COL26A1: variants seen among roughly 807,000 people sequenced by gnomAD.
COL26A1 encodes collagen type XXVI alpha 1 chain.
COL26A1 carries 41 observed loss-of-function variants against 59.3 expected under a neutral mutation model. The ratio of observed to expected loss-of-function variants is 0.69; its 90% CI spans 0.54 to 0.90. The LOEUF is 0.90. Ranked by LOEUF, COL26A1 falls within the 40% of genes least tolerant of loss-of-function variation. The pLI is 0.00. For missense variants in COL26A1, 612 were observed against 602.3 expected (o/e 1.02, Z -0.17); for synonymous variants, 266 against 256.0 (o/e 1.04, Z -0.37).
chr7:101,373,952 A>C (rs1188619866), intron 1 of COL26A1, among the ~76,000 whole-genome samples: 4 of 152,178 alleles, frequency 2.6e-5, no homozygotes, highest in Non-Finnish European at 5.9e-5. Context: ...CTCGTGTGAC[A>C]CTTCATTGCC....
At chr7:101,495,250 G>A (rs1472892645) in intron 3 of COL26A1, among the ~76,000 whole-genome samples, 1 of 152,156 alleles carries the variant, frequency 6.6e-6, no homozygotes, top group African/African-American at 2.4e-5. Context: ...GGCAGAACAG[G>A]TGCTGGAGAC....
intron 3 of COL26A1, among the ~76,000 whole-genome samples, chr7:101,503,772 T>C (rs1369620541): frequency 2.6e-5 from 4 of 152,220 alleles, no homozygotes; most frequent in Non-Finnish European, 5.9e-5. Context: ...CTGGAACTTT[T>C]GTTTCAGTCC....
chr7:101,554,687 T>C (rs1274526843), intron 11 of COL26A1, among the ~76,000 whole-genome samples: 1 of 151,566 alleles, frequency 6.6e-6, no homozygotes. Flanking sequence ...GAGGCTGCAG[T>C]GAACTACAAT....
At position 101,362,897 on chromosome 7, in the gene COL26A1, G is replaced by T. The variant is rs1050465102; in HGVS notation, c.-136G>T. 4.6e-6 allele frequency: 4 copies of T among 870,776 alleles called. No individual in the cohort carries two copies. Among genetic ancestry groups the T allele is most frequent in the Non-Finnish European group, 6.6e-6 (4 of 606,984 alleles). The allele number at this position is 870,776 out of a possible 1,614,324, so 53.9% of individuals were successfully genotyped here. On this transcript the variant is annotated 5_prime_UTR_variant, in exon 1 of 13. Transcript: ENST00000313669. ...GGCGCCCCCCACACATTTCCAGCTCGCACCCGGGCTCCGACCGCTCGCCCC... is the reference window on the plus strand; with the variant it reads ...GGCGCCCCCCACACATTTCCAGCTCTCACCCGGGCTCCGACCGCTCGCCCC...
intron 1 of COL26A1, among the ~76,000 whole-genome samples, chr7:101,369,678 A>G (rs547690236): frequency 3.3e-5 from 5 of 151,584 alleles, no homozygotes; most frequent in Non-Finnish European, 7.4e-5. Context: ...TGTTCTGTAC[A>G]GTGTGAGTGA....
chr7:101,509,481 G>A (rs186514931), intron 3 of COL26A1, among the ~76,000 whole-genome samples: 3 of 152,062 alleles, frequency 2.0e-5, no homozygotes, highest in Non-Finnish European at 4.4e-5. Context: ...ACAGAAAACA[G>A]CCTCTGATTC....
At chr7:101,441,482 T>G (rs7803024) in intron 2 of COL26A1, among the ~76,000 whole-genome samples, 48,343 of 151,904 alleles carry the variant, frequency 0.32, 8,240 homozygotes, top group African/African-American at 0.44. Context: ...CGGCTATTTT[T>G]TGTGTGTGTG....
chr7:101,482,255 G>A (rs1053527549), intron 3 of COL26A1, among the ~76,000 whole-genome samples: 1 of 152,156 alleles, frequency 6.6e-6, no homozygotes, highest in African/African-American at 2.4e-5. Context: ...GGATCCACCT[G>A]CCTTGTCCTC....
At chr7:101,379,679 C>G (rs1791400462) in intron 1 of COL26A1, among the ~76,000 whole-genome samples, 1 of 152,156 alleles carries the variant, frequency 6.6e-6, no homozygotes, top group Non-Finnish European at 1.5e-5. Context: ...AGGAGGTCAG[C>G]ACAAGATCAT....
intron 3 of COL26A1, among the ~76,000 whole-genome samples, chr7:101,479,885 T>C (rs1038419222): frequency 6.6e-6 from 1 of 152,238 alleles, no homozygotes; most frequent in Non-Finnish European, 1.5e-5. Context: ...CAAATATTTA[T>C]ATTTTTCCTG....
intron 3 of COL26A1, among the ~76,000 whole-genome samples, chr7:101,505,450 T>G (rs1563017073): frequency 6.6e-6 from 1 of 152,158 alleles, no homozygotes; most frequent in African/African-American, 2.4e-5. Flanking sequence ...GTGTATACTT[T>G]TTTTTTTGGA....
Position 101,557,574 on chromosome 7 carries a change from C to A in COL26A1, c.*44C>A, listed in dbSNP as rs1423914451. 4 of 1,550,704 alleles carry A rather than the reference C, an allele frequency of 2.6e-6. No individual in the cohort carries two copies. The highest frequency in any genetic ancestry group is 4.6e-5 in the East Asian group (2 of 43,830). On this transcript the variant is annotated 3_prime_UTR_variant, in exon 13 of 13. Transcript: ENST00000313669. ...CACCCTGTCCTGGCTAGAGACCCAGCCCCAGAGGCCTGAGCCGCCGCTGTT... is the reference window on the plus strand; with the variant it reads ...CACCCTGTCCTGGCTAGAGACCCAGACCCAGAGGCCTGAGCCGCCGCTGTT...
intron 2 of COL26A1, among the ~76,000 whole-genome samples, chr7:101,431,920 T>TA (rs928000805): frequency 2.4e-4 from 36 of 151,696 alleles, no homozygotes; most frequent in African/African-American, 8.5e-4. Context: ...GCCTCCCGAG[T>TA]AGCTGAGACT....
At position 101,451,519 on chromosome 7, in the gene COL26A1, T is replaced by C. The variant is rs529942981; in HGVS notation, c.385+3732T>C. Among the ~76,000 whole-genome samples the C allele has an allele frequency of 8.9e-4, 133 of 149,272 alleles. 1 individual carries two copies. The South Asian group carries it at 0.01, about 12-fold the overall frequency. On this transcript the variant is annotated intron_variant, in intron 3 of 12. Transcript: ENST00000313669. ...CAAAGGAAATGCCAAGTAGAACATT[T>C]TGGATTTCTGATTTTCTGATTTGGG...
rs560115213 is a variant in COL26A1, at chr7:101,403,196, G to A, written c.159-16781G>A. On this transcript the variant is annotated intron_variant, in intron 1 of 12. Transcript: ENST00000313669. ...AGTCCATAGAGAGATGGTTTCAGGG[G>A]ACAATAGACCTAAACAAAATTCTGT... 9.4e-4 allele frequency among the ~76,000 whole-genome samples: 143 copies of A among 152,218 alleles called. No individual in the cohort carries two copies. The Middle Eastern group carries it at 0.01, about 11-fold the overall frequency.
intron 1 of COL26A1, among the ~76,000 whole-genome samples, chr7:101,412,167 A>G (rs56034442): frequency 0.02 from 3,096 of 152,164 alleles, 119 homozygotes; most frequent in African/African-American, 0.07. Context: ...AGGACTAGCT[A>G]AACAAAACAG....
chr7:101,505,047 C>G lies in COL26A1; in HGVS notation c.386-28035C>G, dbSNP rs949722582. 2.6e-4 allele frequency among the ~76,000 whole-genome samples: 39 copies of G among 152,078 alleles called. 1 individual carries two copies. The highest frequency in any genetic ancestry group is 8.7e-4 in the African/African-American group (36 of 41,432). ...GCGAACGCCTGTAATCCCAGCTATT[C>G]CAGAGGCTGAGGGAGGAGGATGGCT... On this transcript the variant is annotated intron_variant, in intron 3 of 12. Coordinates refer to ENST00000313669, the MANE Select transcript of COL26A1 (RefSeq NM_001278563.3).
rs1554403857 is a variant in COL26A1, at chr7:101,386,268, T to TTG, written c.158+23079_158+23080insGT. 4.1e-5 allele frequency among the ~76,000 whole-genome samples: 6 copies of TTG among 147,982 alleles called. No homozygotes were observed. The South Asian group carries it at 6.4e-4, about 16-fold the overall frequency. Reference sequence around the variant, plus strand: ...TCCTGTCCTAGCTTGTTTTTTTTTTTTTTTTTTTTTTTAATTTTTTGAGAC... The same window carrying TTG: ...TCCTGTCCTAGCTTGTTTTTTTTTTTTGTTTTTTTTTTTTAATTTTTTGAGAC... On this transcript the variant is annotated intron_variant, in intron 1 of 12. Transcript: ENST00000313669.
At chr7:101,395,767 G>A (rs1203313338) in intron 1 of COL26A1, among the ~76,000 whole-genome samples, 1 of 152,192 alleles carries the variant, frequency 6.6e-6, no homozygotes, top group Non-Finnish European at 1.5e-5. Context: ...CCACCTGAGG[G>A]ACATCTGCCT....
Sources: gnomAD v4.1 joint callset for allele counts (sites outside exome capture counted in the v4.1 genomes callset) on GRCh38, gnomAD v4.1.1 for gene constraint, MANE v1.5 for transcripts, NCBI Gene and HGNC (gene_info 2026-07-23, HGNC 2026-07-21) for gene names.